ALMS1: variants seen among roughly 807,000 people sequenced by gnomAD.
ALMS1 encodes the protein centrosome-associated protein ALMS1.
ALMS1 carries 271 observed loss-of-function variants against 352.2 expected under a neutral mutation model. That is an observed-to-expected ratio of 0.77 (90% confidence interval 0.70 to 0.85). ALMS1 has a LOEUF of 0.85. ALMS1 is among the 40% of genes least tolerant of loss of function. ALMS1 has a pLI of 0.00. For synonymous variants in ALMS1, 1,865 were observed against 1,761.2 expected (o/e 1.06, Z -1.48); for missense variants, 5,445 against 4,870.7 (o/e 1.12, Z -3.51).
At chr2:73,508,647 T>C (rs1420937966) in intron 10 of ALMS1, among the ~76,000 whole-genome samples, 1 of 152,182 alleles carries the variant, frequency 6.6e-6, no homozygotes, top group Non-Finnish European at 1.5e-5. Flanking sequence ...TGCTATGTAG[T>C]ACTGAGGAGA....
chr2:73,419,267 G>T lies in ALMS1; in HGVS notation c.595G>T (p.Glu199Ter). Residue 199 changes from glutamate (E) to a stop codon, truncating the protein, a stop_gained, in exon 3 of 23, where the codon GAA (glutamate) becomes TAA (stop). Coordinates refer to ENST00000613296, the MANE Select transcript of ALMS1 (RefSeq NM_001378454.1). LOFTEE classifies it high-confidence loss of function. ...GGAGGAGGGCATATTGACGCAATCA[G>T]AAAATCAAGTAAAGGAACCCAACAG... ...SLEEGILTQS[E>*]NQVKEPNRDL... The T allele has an allele frequency of 6.2e-7, 1 of 1,614,046 alleles. No individual in the cohort carries two copies. The highest frequency in any genetic ancestry group is 1.3e-5 in the African/African-American group (1 of 75,042).
At position 73,452,610 on chromosome 2, in the gene ALMS1, C is replaced by T; in HGVS notation, c.6083C>T (p.Ser2028Leu). The T allele has an allele frequency of 6.2e-7, 1 of 1,614,056 alleles. No individual in the cohort carries two copies. The highest frequency in any genetic ancestry group is 8.5e-7 in the Non-Finnish European group (1 of 1,179,998). The change falls in exon 8 of 23, where the codon TCA (serine) becomes TTA (leucine). Residue 2028 changes from serine to leucine, a missense_variant. By Grantham distance (145) the Ser-to-Leu change is moderately radical. Coordinates refer to ENST00000613296, the MANE Select transcript of ALMS1 (RefSeq NM_001378454.1). ...SYSQIEKPKI[S>L]TVIGPNDQKT... The stretch of plus-strand genomic sequence containing the variant: ...TCACAAATAGAGAAGCCCAAGATTT[C>T]AACTGTGATTGGACCAAATGACCAG...
At chr2:73,518,482 A>G (rs1673605132) in intron 10 of ALMS1, among the ~76,000 whole-genome samples, 1 of 152,214 alleles carries the variant, frequency 6.6e-6, no homozygotes, top group South Asian at 2.1e-4. Context: ...GTATGTACAC[A>G]GCAATGGATT....
intron 15 of ALMS1, among the ~76,000 whole-genome samples, chr2:73,564,132 A>AT (rs1333035986): frequency 6.6e-6 from 1 of 151,700 alleles, no homozygotes; most frequent in African/African-American, 2.4e-5. Context: ...ACCATAGAAA[A>AT]TTTTTTCATA....
At chr2:73,515,666 A>G (rs1025044066) in intron 10 of ALMS1, among the ~76,000 whole-genome samples, 4 of 152,114 alleles carry the variant, frequency 2.6e-5, no homozygotes, top group African/African-American at 9.7e-5. Context: ...CAAAGAATAA[A>G]CAAGATTGAC....
chr2:73,584,192 C>T (rs1301724503), intron 16 of ALMS1, among the ~76,000 whole-genome samples: 1 of 152,020 alleles, frequency 6.6e-6, no homozygotes, highest in Non-Finnish European at 1.5e-5. Context: ...CCCACCTATC[C>T]CCCACATAAT....
chr2:73,484,022 T>C (rs1191360926), intron 9 of ALMS1, among the ~76,000 whole-genome samples: 1 of 151,766 alleles, frequency 6.6e-6, no homozygotes, highest in Non-Finnish European at 1.5e-5. Context: ...CTTGACTCTT[T>C]ATCCAATTTG....
chr2:73,394,909 T>C (rs1014533545), intron 1 of ALMS1, among the ~76,000 whole-genome samples: 1 of 151,576 alleles, frequency 6.6e-6, no homozygotes, highest in Non-Finnish European at 1.5e-5. Context: ...GTGGTAAGTA[T>C]TTGTGTTGGA....
At chr2:73,474,546 C>G (rs1195130961) in intron 9 of ALMS1, among the ~76,000 whole-genome samples, 2 of 152,034 alleles carry the variant, frequency 1.3e-5, no homozygotes, top group Non-Finnish European at 2.9e-5. Context: ...TGGATCTTAG[C>G]TCACTGCAAT....
chr2:73,512,427 A>G (rs2103946683), intron 10 of ALMS1, among the ~76,000 whole-genome samples: 1 of 151,340 alleles, frequency 6.6e-6, no homozygotes, highest in Non-Finnish European at 1.5e-5. Context: ...CCTGATTGGT[A>G]TATAGGGGTT....
At chr2:73,478,625 C>CA (rs70965736) in intron 9 of ALMS1, among the ~76,000 whole-genome samples, 85,837 of 151,544 alleles carry the variant, frequency 0.57, 25,582 homozygotes, top group East Asian at 0.77. Context: ...CAGCTAATGA[C>CA]GAATATTTTT....
At chr2:73,501,565 TTA>T (rs761099446) in intron 10 of ALMS1, among the ~76,000 whole-genome samples, 2 of 152,136 alleles carry the variant, frequency 1.3e-5, no homozygotes, top group Non-Finnish European at 2.9e-5. Context: ...GATTATTTCC[TTA>T]TTGAAGTTAG....
chr2:73,571,919 C>T (rs950407989), intron 15 of ALMS1, among the ~76,000 whole-genome samples: 1 of 151,274 alleles, frequency 6.6e-6, no homozygotes, highest in South Asian at 2.1e-4. Context: ...AAAAAAAAAA[C>T]AGATGCAGAG....
chr2:73,440,555 C>G (rs1671699144), intron 7 of ALMS1, among the ~76,000 whole-genome samples: 1 of 151,774 alleles, frequency 6.6e-6, no homozygotes, highest in East Asian at 2.0e-4. Context: ...TCCTGAGTAG[C>G]TGGAATCATG....
chr2:73,590,269 G>A (rs940975724), intron 16 of ALMS1, among the ~76,000 whole-genome samples: 4 of 151,996 alleles, frequency 2.6e-5, no homozygotes, highest in Non-Finnish European at 4.4e-5. Context: ...AAAATATATG[G>A]AAAATTTTTA....
intron 16 of ALMS1, among the ~76,000 whole-genome samples, chr2:73,594,385 CGG>C (rs1261336593): frequency 6.6e-6 from 1 of 152,190 alleles, no homozygotes; most frequent in Non-Finnish European, 1.5e-5. Context: ...GAAATGAAAA[CGG>C]AAACATTCCA....
Position 73,452,294 on chromosome 2 carries a change from G to T in ALMS1, c.5767G>T (p.Val1923Phe). Reference sequence around the variant, plus strand: ...TGAAGAAGCTTTAAATGTTTTTGTTGTTCCTGGACAAGGTGACCGGAAGAC... The same window carrying T: ...TGAAGAAGCTTTAAATGTTTTTGTTTTTCCTGGACAAGGTGACCGGAAGAC... The part of the protein sequence containing the change: ...VTEEALNVFV[V>F]PGQGDRKTEI... The change falls in exon 8 of 23, where the codon GTT (valine) becomes TTT (phenylalanine). Residue 1923 changes from valine to phenylalanine, a missense_variant. Transcript: ENST00000613296. 3 of 1,614,032 alleles carry T rather than the reference G, an allele frequency of 1.9e-6. No homozygotes were observed. The South Asian group carries it at 3.3e-5, about 18-fold the overall frequency.
intron 9 of ALMS1, among the ~76,000 whole-genome samples, chr2:73,481,590 G>A (rs1441056913): frequency 1.3e-5 from 2 of 151,552 alleles, no homozygotes; most frequent in Non-Finnish European, 2.9e-5. Context: ...GAACTTTAAA[G>A]TAGTTTTTTC....
rs115028131 is a variant in ALMS1 at position 73,411,777 on chromosome 2, A to G, written c.450+3030A>G. On this transcript the variant is annotated intron_variant, in intron 2 of 22. Coordinates refer to ENST00000613296, the MANE Select transcript of ALMS1 (RefSeq NM_001378454.1). ...TTATTGGTTTCTTTCACTTCAGCAT[A>G]CATTTCCCATTCAGTGCCTGAAGTT... Among the ~76,000 whole-genome samples, 136 of 152,252 alleles carry G rather than the reference A, an allele frequency of 8.9e-4. 2 individuals are homozygous for G. The highest frequency in any genetic ancestry group is 3.0e-3 in the African/African-American group (125 of 41,540).
Sources: allele counts gnomAD v4.1 joint callset (sites outside exome capture counted in the v4.1 genomes callset), GRCh38; gene constraint gnomAD v4.1.1; transcripts MANE v1.5; gene names NCBI Gene and HGNC (gene_info 2026-07-23, HGNC 2026-07-21).